The following LPIN1 variants were observed in gnomAD, a reference collection of about 807,000 sequenced individuals.
LPIN1 encodes phosphatidate phosphatase LPIN1.
Under a neutral mutation model 107.5 loss-of-function variants are expected in LPIN1, and 71 were observed. The ratio of observed to expected loss-of-function variants is 0.66; its 90% CI spans 0.55 to 0.80. The LOEUF (loss-of-function observed/expected upper bound fraction) is 0.80. LPIN1 is among the 30% of genes least tolerant of loss of function. The pLI, the probability that LPIN1 is intolerant of heterozygous loss-of-function variation, is 0.00. For synonymous variants in LPIN1, 445 were observed against 452.6 expected, an observed-to-expected ratio of 0.98 and a Z score of 0.21; for missense variants, 1,043 against 1,160.6, an observed-to-expected ratio of 0.90 and a Z score of 1.47.
At chr2:11,782,533 C>G (rs1454272448) in intron 8 of LPIN1, 26 bp downstream of exon 8, 1 of 1,612,812 alleles carries the variant, frequency 6.2e-7, no homozygotes, top group Non-Finnish European at 8.5e-7. Context: ...CTTCCCGGCT[C>G]TTTTTCTGTT....
exon 1 of LPIN1, chr2:11,677,621 G>C: frequency 6.7e-7 from 1 of 1,501,814 alleles, no homozygotes; most frequent in Non-Finnish European, 9.0e-7. Flanking sequence ...TGGGTGAGGA[G>C]GCAGACAGCA....
intron 1 of LPIN1, among the ~76,000 whole-genome samples, chr2:11,692,369 C>T (rs1268872883): frequency 1.3e-5 from 2 of 151,998 alleles, no homozygotes; most frequent in Non-Finnish European, 2.9e-5. Context: ...ACTTGGGTGG[C>T]GTCATCTATA....
chr2:11,743,936 T>C (rs1443611007), upstream of LPIN1, among the ~76,000 whole-genome samples: 4 of 152,210 alleles, frequency 2.6e-5, no homozygotes, highest in African/African-American at 9.7e-5. This position sits in a 1 kb window ranked among gnomAD's most constrained non-coding sequence, Gnocchi z 4.7. Flanking sequence ...GAACAGATCC[T>C]TCTGGGAATG....
chr2:11,810,340 G>A (rs1237077046), intron 17 of LPIN1, among the ~76,000 whole-genome samples: 1 of 152,184 alleles, frequency 6.6e-6, no homozygotes, highest in African/African-American at 2.4e-5. Flanking sequence ...TGGAGGAGCA[G>A]GGTTTCAAAG....
At chr2:11,795,589 C>G in intron 14 of LPIN1, 102 bp downstream of exon 14, 1 of 1,068,094 alleles carries the variant, frequency 9.4e-7, no homozygotes, top group Non-Finnish European at 1.5e-6. Context: ...ACAGTTCCAA[C>G]TCTGGCTCTG....
chr2:11,764,103 T>TATATATATATATAC, intron 1 of LPIN1: 1 of 121,846 alleles, frequency 8.2e-6, no homozygotes, highest in African/African-American at 3.4e-5. Context: ...TATATATATA[T>TATATATATATATAC]ACACACACAC....
Position 11,824,677 on chromosome 2 carries a change from G to GAA in LPIN1, c.2670_2671dup (p.Arg891LysfsTer58), listed in dbSNP as rs774694979. The stretch of plus-strand genomic sequence containing the variant: ...TAGTCGACCACGTTTTCCCGTTGCT[G>GAA]AAAAGAAGCCATTCTTCAGACTTTC... On this transcript the variant is annotated frameshift_variant, in exon 21 of 21. Transcript: ENST00000674199. LOFTEE classifies it high-confidence loss of function. 6.2e-7 allele frequency: 1 copy of GAA among 1,614,106 alleles called. No individual in the cohort carries two copies. The highest frequency in any genetic ancestry group is 8.5e-7 in the Non-Finnish European group (1 of 1,180,018).
chr2:11,792,956 TA>T (rs1676044874), intron 13 of LPIN1, among the ~76,000 whole-genome samples: 1 of 152,216 alleles, frequency 6.6e-6, no homozygotes, highest in South Asian at 2.1e-4. Context: ...AAGCTCATGT[TA>T]GGCCACCTTT....
At chr2:11,789,393 G>A (rs1381142210) in intron 12 of LPIN1, among the ~76,000 whole-genome samples, 2 of 152,014 alleles carry the variant, frequency 1.3e-5, no homozygotes, top group Non-Finnish European at 2.9e-5. Flanking sequence ...ATGCGGGTAT[G>A]TGTGCATGCT....
intron 15 of LPIN1, among the ~76,000 whole-genome samples, chr2:11,804,104 G>A (rs1006675317): frequency 4.6e-5 from 7 of 152,118 alleles, no homozygotes; most frequent in South Asian, 4.1e-4. Context: ...GTGTAGCCCC[G>A]TCATTGAATC....
At chr2:11,783,333 C>T (rs181001692) in intron 8 of LPIN1, among the ~76,000 whole-genome samples, 4 of 152,222 alleles carry the variant, frequency 2.6e-5, no homozygotes, top group Non-Finnish European at 4.4e-5. Flanking sequence ...AGCCTCAATG[C>T]GTTTAGTGCT....
chr2:11,779,890 T>C (rs1673287135), intron 7 of LPIN1, among the ~76,000 whole-genome samples: 1 of 149,458 alleles, frequency 6.7e-6, no homozygotes, highest in African/African-American at 2.4e-5. Flanking sequence ...ACTTTTTTTT[T>C]TTTTTCTTGA....
chr2:11,741,130 T>C, intron 1 of LPIN1: 1 of 402,550 alleles, frequency 2.5e-6, no homozygotes, highest in Non-Finnish European at 4.4e-6. Context: ...TGGGAGGCCC[T>C]GTGAAATTCT....
intron 1 of LPIN1, among the ~76,000 whole-genome samples, chr2:11,764,789 A>G (rs1186097906): frequency 6.6e-6 from 1 of 152,262 alleles, no homozygotes; most frequent in Non-Finnish European, 1.5e-5. Flanking sequence ...TGTATGAAAT[A>G]GTCTCTTTCC....
At chr2:11,819,848 A>G (rs1354749396) in intron 19 of LPIN1, among the ~76,000 whole-genome samples, 1 of 152,222 alleles carries the variant, frequency 6.6e-6, no homozygotes, top group Non-Finnish European at 1.5e-5. Context: ...TCCAAATTTC[A>G]AATTACTCAT....
intron 12 of LPIN1, among the ~76,000 whole-genome samples, chr2:11,791,415 T>C (rs1675699305): frequency 1.3e-5 from 2 of 152,252 alleles, no homozygotes; most frequent in South Asian, 4.1e-4. Flanking sequence ...CTCGAGATTT[T>C]AAATCAAATG....
chr2:11,717,993 G>A (rs1457715852), intron 2 of LPIN1, among the ~76,000 whole-genome samples: 1 of 152,134 alleles, frequency 6.6e-6, no homozygotes, highest in Admixed American at 6.6e-5. Flanking sequence ...ACACTCTCTA[G>A]TTTCCCCAGA....
intron 13 of LPIN1, 141 bp from the exon 14 acceptor site, chr2:11,795,267 G>C (rs1332790108): frequency 1.7e-5 from 12 of 726,218 alleles, no homozygotes; most frequent in Non-Finnish European, 2.7e-5. Flanking sequence ...GAGCCTCCTG[G>C]GCGATCGCTA....
chr2:11,710,088 C>G (rs1182346561), intron 1 of LPIN1, among the ~76,000 whole-genome samples: 1 of 152,154 alleles, frequency 6.6e-6, no homozygotes, highest in Non-Finnish European at 1.5e-5. Context: ...CCATCTGACT[C>G]TCATAGCAGA....
Sources: allele counts gnomAD v4.1 joint callset (sites outside exome capture counted in the v4.1 genomes callset), GRCh38; gene constraint gnomAD v4.1.1; non-coding constraint Gnocchi (gnomAD v3.1); transcripts MANE v1.5; gene names NCBI Gene and HGNC (gene_info 2026-07-23, HGNC 2026-07-21).